Variants in SEMA3D observed in about 807,000 individuals in gnomAD.
SEMA3D encodes semaphorin-3D.
In SEMA3D, 84 loss-of-function variants were observed where a neutral mutation model predicts 100.1. That is an observed-to-expected ratio of 0.84 (90% CI 0.70 to 1.01). SEMA3D has a LOEUF of 1.01. SEMA3D is among the 50% of genes least tolerant of loss of function. The pLI is 0.00. For missense variants in SEMA3D, 875 were observed against 934.1 expected (o/e 0.94, Z 0.82); for synonymous variants, 312 against 320.7 (o/e 0.97, Z 0.29).
intron 3 of SEMA3D, among the ~76,000 whole-genome samples, chr7:85,111,858 C>T (rs944317057): frequency 3.9e-5 from 6 of 152,072 alleles, no homozygotes; most frequent in Admixed American, 3.9e-4. Flanking sequence ...AGGATCCTTA[C>T]ACATGCCAGA....
At chr7:85,078,483 C>T (rs1311764975) in intron 5 of SEMA3D, among the ~76,000 whole-genome samples, 3 of 152,142 alleles carry the variant, frequency 2.0e-5, no homozygotes, top group Non-Finnish European at 4.4e-5. Context: ...CCCAGGCTAC[C>T]CTCACCCTGT....
chr7:85,084,572 T>A (rs1788163057), intron 4 of SEMA3D, among the ~76,000 whole-genome samples: 1 of 151,816 alleles, frequency 6.6e-6, no homozygotes, highest in Non-Finnish European at 1.5e-5. Flanking sequence ...TAGGAAAGGT[T>A]TTTTTTTTCA....
intron 2 of SEMA3D, among the ~76,000 whole-genome samples, chr7:85,152,374 G>A (rs1186225196): frequency 6.6e-6 from 1 of 152,090 alleles, no homozygotes; most frequent in African/African-American, 2.4e-5. Context: ...TTATATGGTA[G>A]TCAAAAGACA....
Position 85,073,895 on chromosome 7 carries a change from T to C in SEMA3D, c.376-814A>G, listed in dbSNP as rs61155011. 6.6e-3 allele frequency among the ~76,000 whole-genome samples: 1,011 copies of C among 152,368 alleles called. 9 individuals are homozygous for C. Among genetic ancestry groups the C allele is most frequent in the African/African-American group, 0.023 (960 of 41,594 alleles). On this transcript the variant is annotated intron_variant, in intron 5 of 18. Coordinates refer to ENST00000284136, the MANE Select transcript of SEMA3D (RefSeq NM_001384900.1). ...TTTCTTTCTGTTCTGCATATGCTTA[T>C]GCCTAAAAATATTTCTTTATGTCAT...
intron 9 of SEMA3D, among the ~76,000 whole-genome samples, chr7:85,055,012 G>T (rs1583876704): frequency 2.0e-5 from 3 of 152,040 alleles, no homozygotes; most frequent in Non-Finnish European, 4.4e-5. Context: ...AAAATGGCAA[G>T]ATTAAAAACT....
chr7:85,092,926 A>C (rs967928561), intron 4 of SEMA3D, among the ~76,000 whole-genome samples: 1 of 152,056 alleles, frequency 6.6e-6, no homozygotes, highest in Non-Finnish European at 1.5e-5. Context: ...AGATTTTTCA[A>C]TTTTTACTAC....
intron 1 of SEMA3D, among the ~76,000 whole-genome samples, chr7:85,178,879 T>C (rs1791317839): frequency 6.6e-6 from 1 of 152,158 alleles, no homozygotes; most frequent in Admixed American, 6.5e-5. Context: ...TGTGCAGCCT[T>C]GGACTTGGTG....
the SEMA3D span, among the ~76,000 whole-genome samples, chr7:85,236,331 G>A: frequency 6.4e-5 from 9 of 141,338 alleles, no homozygotes; most frequent in African/African-American, 2.3e-4. Flanking sequence ...ATTTAGAGAT[G>A]GGGTCTTGCT....
chr7:85,245,866 A>G, the SEMA3D span, among the ~76,000 whole-genome samples: 88 of 152,256 alleles, frequency 5.8e-4, no homozygotes, highest in South Asian at 1.9e-3. Flanking sequence ...TAGACTTATT[A>G]TCTTGCCTTT....
intron 8 of SEMA3D, among the ~76,000 whole-genome samples, chr7:85,061,651 A>T (rs1333974561): frequency 1.3e-5 from 2 of 152,178 alleles, no homozygotes; most frequent in Non-Finnish European, 2.9e-5. Context: ...CATAAAGGAC[A>T]GAAATGTTCT....
chr7:85,089,718 C>G (rs1009233157), intron 4 of SEMA3D, among the ~76,000 whole-genome samples: 2 of 151,948 alleles, frequency 1.3e-5, no homozygotes, highest in East Asian at 3.9e-4. Flanking sequence ...CACTCTGTCT[C>G]TATGAAAAAT....
chr7:85,224,713 A>G, the SEMA3D span, among the ~76,000 whole-genome samples: 2 of 152,062 alleles, frequency 1.3e-5, no homozygotes, highest in African/African-American at 4.8e-5. Context: ...TGGTCCTGTA[A>G]TTATCTTTCA....
chr7:85,238,220 C>G, the SEMA3D span, among the ~76,000 whole-genome samples: 1 of 152,118 alleles, frequency 6.6e-6, no homozygotes, highest in Non-Finnish European at 1.5e-5. Flanking sequence ...TAAAGTACAG[C>G]TTATCACTTC....
At chr7:85,227,044 C>A in the SEMA3D span, among the ~76,000 whole-genome samples, 1 of 152,082 alleles carries the variant, frequency 6.6e-6, no homozygotes, top group African/African-American at 2.4e-5. Flanking sequence ...TCCCTTTCCA[C>A]GGTTTATTTT....
At position 84,999,242 on chromosome 7, in the gene SEMA3D, G is replaced by C; in HGVS notation, c.*198C>G. 1 of 571,738 alleles carries C rather than the reference G, an allele frequency of 1.7e-6. No homozygotes were observed. Among genetic ancestry groups the C allele is most frequent in the Non-Finnish European group, 3.1e-6 (1 of 323,842 alleles). 35.4% of individuals were successfully genotyped at this position (571,738 alleles called of 1,614,324 possible). On this transcript the variant is annotated 3_prime_UTR_variant, in exon 19 of 19. Transcript: ENST00000284136. The stretch of plus-strand genomic sequence containing the variant: ...TAATTCTTATACTTTGCTTGTGCAA[G>C]ATTTGTTCTTGGAAAACTGGTTCAA...
intron 12 of SEMA3D, 146 bp downstream of exon 12, chr7:85,036,743 T>C: frequency 1.6e-6 from 1 of 606,864 alleles, no homozygotes. Context: ...TAAATTTCAA[T>C]GAAGGATGAA....
chr7:85,224,943 T>C, the SEMA3D span, among the ~76,000 whole-genome samples: 3 of 150,832 alleles, frequency 2.0e-5, no homozygotes, highest in African/African-American at 4.9e-5. Context: ...ATGAAAACAA[T>C]ACATTTGTTT....
At chr7:85,085,257 T>C (rs1788182572) in intron 4 of SEMA3D, among the ~76,000 whole-genome samples, 1 of 152,162 alleles carries the variant, frequency 6.6e-6, no homozygotes, top group Non-Finnish European at 1.5e-5. Flanking sequence ...CAAAAAAATA[T>C]ATAACTCTTT....
intron 4 of SEMA3D, among the ~76,000 whole-genome samples, chr7:85,089,510 T>C (rs1788317851): frequency 1.3e-5 from 2 of 152,192 alleles, no homozygotes; most frequent in South Asian, 4.1e-4. Context: ...TGAGCATGAA[T>C]GTCTGACCTG....
Sources: gnomAD v4.1 joint callset for allele counts (sites outside exome capture counted in the v4.1 genomes callset) on GRCh38, gnomAD v4.1.1 for gene constraint, MANE v1.5 for transcripts, NCBI Gene and HGNC (gene_info 2026-07-23, HGNC 2026-07-21) for gene names.